The following CENPK variants were observed in gnomAD, a reference collection of about 807,000 sequenced individuals.
CENPK encodes the protein SoxLZ/Sox6-binding protein Solt.
CENPK carries 46 observed loss-of-function variants against 40.9 expected under a neutral mutation model. The ratio of observed to expected loss-of-function variants is 1.13; its 90% confidence interval spans 0.89 to 1.44. CENPK has a LOEUF of 1.44. Among genes scored for constraint, CENPK ranks in the 40% most tolerant of loss-of-function variants. The pLI, the probability that CENPK is intolerant of heterozygous loss-of-function variation, is 0.00. For synonymous variants in CENPK, 107 were observed against 104.4 expected, an observed-to-expected ratio of 1.02 and a Z score of -0.15; for missense variants, 288 against 303.5, an observed-to-expected ratio of 0.95 and a Z score of 0.38.
intron 10 of CENPK, among the ~76,000 whole-genome samples, chr5:65,519,680 T>A (rs1743366060): frequency 6.6e-6 from 1 of 152,202 alleles, no homozygotes; most frequent in Non-Finnish European, 1.5e-5. Flanking sequence ...CAAGCTCTAA[T>A]CTCAATTAAA....
chr5:65,508,623 A>G, the CENPK span, among the ~76,000 whole-genome samples: 3 of 151,924 alleles, frequency 2.0e-5, no homozygotes, highest in South Asian at 6.2e-4. Flanking sequence ...CATCTCTACT[A>G]AAAATACAAA....
intron 9 of CENPK, among the ~76,000 whole-genome samples, chr5:65,528,005 C>T (rs947393270): frequency 5.9e-5 from 9 of 152,036 alleles, no homozygotes; most frequent in African/African-American, 2.2e-4. Flanking sequence ...CTTGGGAGGC[C>T]GAGGTGGGCA....
chr5:65,524,749 T>C (rs1744385431), intron 9 of CENPK: 1 of 152,524 alleles, frequency 6.6e-6, no homozygotes, highest in African/African-American at 2.4e-5. Context: ...ATAAATGGCG[T>C]TTTCTGAATA....
the CENPK span, among the ~76,000 whole-genome samples, chr5:65,509,117 C>T: frequency 2.0e-5 from 3 of 152,142 alleles, no homozygotes; most frequent in African/African-American, 7.2e-5. Flanking sequence ...CACTTTTTCC[C>T]ATCCCTTTAT....
At chr5:65,508,786 TAAAAAAAAAAA>T in the CENPK span, among the ~76,000 whole-genome samples, 2 of 86,006 alleles carry the variant, frequency 2.3e-5, no homozygotes, top group African/African-American at 4.5e-5. Flanking sequence ...AGACTCCATC[TAAAAAAAAAAA>T]AAAAAAAAAG....
intron 2 of CENPK, among the ~76,000 whole-genome samples, chr5:65,560,144 A>G (rs1751710404): frequency 1.3e-5 from 2 of 152,052 alleles, no homozygotes; most frequent in Admixed American, 1.3e-4. Flanking sequence ...TTTACACCAA[A>G]ATTTTTTTTT....
intron 2 of CENPK, among the ~76,000 whole-genome samples, chr5:65,559,712 G>A (rs1751633862): frequency 1.3e-5 from 2 of 151,622 alleles, no homozygotes; most frequent in South Asian, 2.1e-4. Flanking sequence ...AAGATGGGAG[G>A]ACATACCCTA....
In CENPK at chr5:65,518,356, AAAGT is replaced by A. The variant is rs750310884; in HGVS notation, c.*115_*118del. ...TGGCAGCACATGCCATTTTGCAATA[AAAGT>A]AAGATGGCCTATGCGCATTAATTTG... On this transcript the variant is annotated 3_prime_UTR_variant, in exon 11 of 11. Coordinates refer to ENST00000396679, the MANE Select transcript of CENPK (RefSeq NM_022145.5). 11 of 942,926 alleles carry A rather than the reference AAAGT, an allele frequency of 1.2e-5. No individual in the cohort carries two copies. The highest frequency in any genetic ancestry group is 1.6e-5 in the Non-Finnish European group (10 of 629,696). 58.4% of individuals were successfully genotyped at this position (942,926 alleles called of 1,614,324 possible). A position where few individuals can be genotyped will look rare whatever the true frequency, so the allele number is the denominator to read the frequency against.
intron 5 of CENPK, among the ~76,000 whole-genome samples, chr5:65,546,785 C>T (rs1161202066): frequency 1.3e-5 from 2 of 152,184 alleles, no homozygotes; most frequent in Non-Finnish European, 2.9e-5. Flanking sequence ...GGAGAGGCCT[C>T]AGAAGAAACC....
chr5:65,513,897 G>A (rs1201036756), downstream of CENPK, among the ~76,000 whole-genome samples: 1 of 152,100 alleles, frequency 6.6e-6, no homozygotes, highest in Non-Finnish European at 1.5e-5. Flanking sequence ...TTCCTAGCTG[G>A]CTGAGAGGTT....
At chr5:65,503,936 G>A in the CENPK span, among the ~76,000 whole-genome samples, 37 of 150,978 alleles carry the variant, frequency 2.5e-4, no homozygotes, top group Admixed American at 2.2e-3. Flanking sequence ...GATTACAGGC[G>A]TGAGTCACCG....
At chr5:65,533,312 TGCAC>T (rs150707829) in intron 6 of CENPK, among the ~76,000 whole-genome samples, 2,892 of 148,770 alleles carry the variant, frequency 0.019, 68 homozygotes, top group African/African-American at 0.059. Context: ...ATCGTGCCAT[TGCAC>T]TCCAGCCTGG....
At chr5:65,507,264 T>A in the CENPK span, among the ~76,000 whole-genome samples, 1 of 152,158 alleles carries the variant, frequency 6.6e-6, no homozygotes, top group Non-Finnish European at 1.5e-5. Context: ...AAAAAAAATT[T>A]CTCCAAAGTT....
chr5:65,550,174 CAAA>C (rs56732964), intron 5 of CENPK, among the ~76,000 whole-genome samples: 1 of 59,512 alleles, frequency 1.7e-5, no homozygotes, highest in Non-Finnish European at 3.3e-5. Flanking sequence ...GACTCCATCT[CAAA>C]AAAAAAAAAA....
At chr5:65,537,559 C>G (rs1342411212) in intron 6 of CENPK, among the ~76,000 whole-genome samples, 1 of 152,170 alleles carries the variant, frequency 6.6e-6, no homozygotes, top group African/African-American at 2.4e-5. Flanking sequence ...CTTGGCTTCC[C>G]AAAGTGCTAG....
the CENPK span, among the ~76,000 whole-genome samples, chr5:65,498,201 C>T: frequency 6.6e-6 from 1 of 151,858 alleles, no homozygotes; most frequent in African/African-American, 2.4e-5. Context: ...ATTTCTGAAA[C>T]ATTTTTATAT....
chr5:65,540,159 T>G (rs929587644), intron 6 of CENPK, among the ~76,000 whole-genome samples: 1 of 152,244 alleles, frequency 6.6e-6, no homozygotes, highest in African/African-American at 2.4e-5. Context: ...TTTTCAAACA[T>G]TTAAATTCAG....
intron 10 of CENPK, among the ~76,000 whole-genome samples, chr5:65,518,944 T>G (rs1743197379): frequency 6.6e-6 from 1 of 152,160 alleles, no homozygotes; most frequent in Admixed American, 6.5e-5. Context: ...TCTTAAAAAA[T>G]TAATATTTCA....
At chr5:65,505,071 G>A in the CENPK span, among the ~76,000 whole-genome samples, 12 of 152,160 alleles carry the variant, frequency 7.9e-5, no homozygotes, top group Non-Finnish European at 1.6e-4. Context: ...GGGACTACAG[G>A]TATGTCCCAC....
Sources: allele counts gnomAD v4.1 joint callset (sites outside exome capture counted in the v4.1 genomes callset), GRCh38; gene constraint gnomAD v4.1.1; transcripts MANE v1.5; gene names NCBI Gene and HGNC (gene_info 2026-07-23, HGNC 2026-07-21).